The following PALLD variants were observed in gnomAD, a reference collection of about 807,000 sequenced individuals.
The protein encoded by PALLD is palladin, cytoskeletal associated protein.
PALLD carries 61 observed loss-of-function variants against 123.5 expected under a neutral mutation model. That is an observed-to-expected ratio of 0.49 (90% CI 0.40 to 0.61). PALLD has a LOEUF of 0.61. Ranked by LOEUF, PALLD falls within the 20% of genes least tolerant of loss-of-function variation. The pLI is 0.00. For missense variants in PALLD, 1,273 were observed against 1,377.0 expected, an observed-to-expected ratio of 0.92 and a Z score of 1.20; for synonymous variants, 465 against 496.4, an observed-to-expected ratio of 0.94 and a Z score of 0.84.
chr4:168,702,882 A>AT (rs375958165), intron 8 of PALLD, among the ~76,000 whole-genome samples: 12 of 143,306 alleles, frequency 8.4e-5, no homozygotes, highest in Non-Finnish European at 1.7e-4. Flanking sequence ...TATTTTATTT[A>AT]TTTATTTATT....
At chr4:168,693,837 T>C (rs888117711) in intron 8 of PALLD, among the ~76,000 whole-genome samples, 3 of 152,174 alleles carry the variant, frequency 2.0e-5, no homozygotes, top group East Asian at 1.9e-4. Flanking sequence ...AAATCAGCCG[T>C]TGGCATGCAG....
chr4:168,727,526 T>C (rs945618903), intron 10 of PALLD, among the ~76,000 whole-genome samples: 4 of 152,220 alleles, frequency 2.6e-5, no homozygotes, highest in African/African-American at 9.6e-5. Flanking sequence ...TGGAGAAGTG[T>C]CTGTTCATGT....
intron 10 of PALLD, among the ~76,000 whole-genome samples, chr4:168,712,658 C>G (rs780225488): frequency 6.6e-6 from 1 of 152,104 alleles, no homozygotes; most frequent in Non-Finnish European, 1.5e-5. Context: ...TACCATAGCG[C>G]AAGAGACCCT....
At chr4:168,823,034 C>T (rs1742940554) in intron 10 of PALLD, among the ~76,000 whole-genome samples, 2 of 151,796 alleles carry the variant, frequency 1.3e-5, no homozygotes, top group South Asian at 4.2e-4. Context: ...GGGTCCGTTT[C>T]TCCATTAAAA....
At chr4:168,679,140 A>ACG (rs1781212892) in intron 3 of PALLD, among the ~76,000 whole-genome samples, 1 of 36,276 alleles carries the variant, frequency 2.8e-5, no homozygotes. Context: ...GTGAGTATGG[A>ACG]TGTGGTGTGT....
chr4:168,914,778 G>A (rs1054463866), intron 16 of PALLD, among the ~76,000 whole-genome samples: 3 of 152,200 alleles, frequency 2.0e-5, no homozygotes, highest in African/African-American at 7.2e-5. Context: ...CTTTAGTGAA[G>A]AGAATACATA....
chr4:168,861,851 T>C (rs1037786277), intron 10 of PALLD, among the ~76,000 whole-genome samples: 1 of 151,966 alleles, frequency 6.6e-6, no homozygotes, highest in African/African-American at 2.4e-5. Flanking sequence ...AGACAGGGTC[T>C]CACTTTGTTG....
Position 168,878,311 on chromosome 4 carries a change from G to A in PALLD, c.1965-12611G>A. 6.6e-7 allele frequency: 1 copy of A among 1,526,590 alleles called. No individual in the cohort carries two copies. The highest frequency in any genetic ancestry group is 8.7e-7 in the Non-Finnish European group (1 of 1,143,576). The allele number at this position is 1,526,590 out of a possible 1,614,324, so 94.6% of individuals were successfully genotyped here. A position where few individuals can be genotyped will look rare whatever the true frequency, so the allele number is the denominator to read the frequency against. ...GCTTCGGCCACAGCCAGACGCCCGC[G>A]GCCTTCCTCAGCGCTCTGCTGCCCT... On this transcript the variant is annotated intron_variant, in intron 10 of 21. Coordinates refer to ENST00000505667, the MANE Select transcript of PALLD (RefSeq NM_001166108.2).
At chr4:168,516,109 C>T (rs1762967897) in intron 2 of PALLD, among the ~76,000 whole-genome samples, 1 of 152,060 alleles carries the variant, frequency 6.6e-6, no homozygotes, top group African/African-American at 2.4e-5. Context: ...TATTGCATAT[C>T]CAACAAAATC....
At chr4:168,832,302 C>A in intron 10 of PALLD, 1 of 626,214 alleles carries the variant, frequency 1.6e-6, no homozygotes, top group Non-Finnish European at 2.0e-6. Context: ...GGACAAGAGA[C>A]TCGTCAGCGC....
At chr4:168,718,894 T>C (rs1258010767) in intron 10 of PALLD, among the ~76,000 whole-genome samples, 5 of 149,832 alleles carry the variant, frequency 3.3e-5, no homozygotes, top group Non-Finnish European at 5.9e-5. Flanking sequence ...CCTTTCTCTA[T>C]TGTTGCCAAT....
rs538186059 is a variant in PALLD at position 168,904,512 on chromosome 4, C to T, written c.2622+606C>T. Among the ~76,000 whole-genome samples the T allele has an allele frequency of 1.3e-3, 199 of 152,138 alleles. 1 individual carries two copies. The highest frequency in any genetic ancestry group is 4.6e-3 in the African/African-American group (189 of 41,502). On this transcript the variant is annotated intron_variant, in intron 15 of 21. Transcript: ENST00000505667. ...GCTGCTGGGTATCATGTTGCCAGTT[C>T]GAGCCTGCAAATTCTTTTTTATTAT... is the stretch of plus-strand genomic sequence containing the variant.
chr4:168,759,619 C>G (rs1169965135), intron 10 of PALLD, among the ~76,000 whole-genome samples: 1 of 151,972 alleles, frequency 6.6e-6, no homozygotes, highest in African/African-American at 2.4e-5. Context: ...GGAAATAAGA[C>G]TTTGAGTTTG....
chr4:168,498,342 T>C (rs1760973913), intron 1 of PALLD, among the ~76,000 whole-genome samples: 1 of 152,184 alleles, frequency 6.6e-6, no homozygotes, highest in Admixed American at 6.5e-5. Flanking sequence ...GGTTTCTCTG[T>C]TATTGCTAGA....
At chr4:168,887,133 G>A (rs28754543) in intron 10 of PALLD, among the ~76,000 whole-genome samples, 71,211 of 120,154 alleles carry the variant, frequency 0.59, 21,183 homozygotes, top group South Asian at 0.72. Context: ...AAAAAAAAAA[G>A]AAAAAGAAAA....
At chr4:168,696,380 T>C (rs1474969622) in intron 8 of PALLD, among the ~76,000 whole-genome samples, 1 of 152,050 alleles carries the variant, frequency 6.6e-6, no homozygotes, top group Non-Finnish European at 1.5e-5. Flanking sequence ...AGATAATGAT[T>C]TGGGAGTTTC....
intron 15 of PALLD, among the ~76,000 whole-genome samples, chr4:168,905,787 T>C (rs976178559): frequency 1.8e-5 from 2 of 110,090 alleles, no homozygotes; most frequent in African/African-American, 6.5e-5. Flanking sequence ...CTTGCTTTTT[T>C]TTCTTTTTTT....
chr4:168,876,046 G>A (rs1021694530), intron 10 of PALLD, among the ~76,000 whole-genome samples: 4 of 152,220 alleles, frequency 2.6e-5, no homozygotes, highest in African/African-American at 7.2e-5. Context: ...GGGGAGCAGC[G>A]CCTTTGAGGA....
At chr4:168,606,803 A>G in intron 2 of PALLD, among the ~76,000 whole-genome samples, 1 of 152,252 alleles carries the variant, frequency 6.6e-6, no homozygotes, top group East Asian at 1.9e-4. Flanking sequence ...TACTGCCATC[A>G]TCTTCAGAGC....
Sources: allele counts gnomAD v4.1 joint callset (sites outside exome capture counted in the v4.1 genomes callset), GRCh38; gene constraint gnomAD v4.1.1; transcripts MANE v1.5; gene names NCBI Gene and HGNC (gene_info 2026-07-23, HGNC 2026-07-21).